AUTS2: variants seen among roughly 807,000 people sequenced by gnomAD.
AUTS2 encodes the protein activator of transcription and developmental regulator AUTS2.
In AUTS2, 17 loss-of-function variants were observed where a neutral mutation model predicts 112.4. That is an observed-to-expected ratio of 0.15 (90% CI 0.10 to 0.23). The LOEUF (loss-of-function observed/expected upper bound fraction) is 0.23. AUTS2 is among the 10% of genes least tolerant of loss of function. AUTS2 has a pLI of 1.00. For missense variants in AUTS2, 1,510 were observed against 1,701.6 expected (o/e 0.89, Z 1.98); for synonymous variants, 751 against 702.7 (o/e 1.07, Z -1.09).
At chr7:70,302,060 A>G (rs1789243637) in intron 4 of AUTS2, among the ~76,000 whole-genome samples, 1 of 152,114 alleles carries the variant, frequency 6.6e-6, no homozygotes, top group African/African-American at 2.4e-5. Flanking sequence ...ATTTATTTAT[A>G]GAGCTTCATT....
chr7:69,758,203 C>T (rs1038748601), intron 1 of AUTS2, among the ~76,000 whole-genome samples: 3 of 152,330 alleles, frequency 2.0e-5, no homozygotes, highest in South Asian at 2.1e-4. Context: ...ATTGCAAACA[C>T]AGCCTGGGTG....
Position 69,877,340 on chromosome 7 carries a change from G to A in AUTS2, c.310-21946G>A, listed in dbSNP as rs140842012. Among the ~76,000 whole-genome samples the A allele has an allele frequency of 3.7e-4, 56 of 152,092 alleles. No homozygotes were observed. The East Asian group carries it at 0.011, about 29-fold the overall frequency. On this transcript the variant is annotated intron_variant, in intron 1 of 18. Coordinates refer to ENST00000342771, the MANE Select transcript of AUTS2 (RefSeq NM_015570.4). ...ACTTTTTTGATTGTGAACCCCAGTT[G>A]GACAAATCACTTAGAGTAAGCACCT... is the stretch of plus-strand genomic sequence containing the variant.
chr7:70,140,006 T>C (rs1041754360), intron 4 of AUTS2, among the ~76,000 whole-genome samples: 2 of 152,132 alleles, frequency 1.3e-5, no homozygotes, highest in Non-Finnish European at 2.9e-5. Context: ...CAAAAAAAAT[T>C]TATAAATGAG....
chr7:70,399,972 G>A (rs1376352609), intron 4 of AUTS2, among the ~76,000 whole-genome samples: 1 of 152,192 alleles, frequency 6.6e-6, no homozygotes. Flanking sequence ...TAGAGCTTCT[G>A]TAATTCTCTT....
chr7:70,689,676 T>C (rs1020880435), intron 5 of AUTS2, among the ~76,000 whole-genome samples: 4 of 148,604 alleles, frequency 2.7e-5, no homozygotes, highest in Admixed American at 1.4e-4. Context: ...CTCGGGAGGC[T>C]GAGGCAGGAG....
At position 70,725,337 on chromosome 7, in the gene AUTS2, G is replaced by A. The variant is rs142897041; in HGVS notation, c.742+26717G>A. On this transcript the variant is annotated intron_variant, in intron 6 of 18. Transcript: ENST00000342771. ...TCAACTTGGAGCATTCATTGGCAGC[G>A]ACTATCAACAGCCCATTTTAAAAGG... Among the ~76,000 whole-genome samples the A allele has an allele frequency of 4.5e-3, 691 of 152,236 alleles. 3 individuals carry two copies. Among genetic ancestry groups the A allele is most frequent in the African/African-American group, 0.015 (634 of 41,532 alleles).
chr7:69,963,533 T>C (rs1182340185), intron 2 of AUTS2, among the ~76,000 whole-genome samples: 1 of 152,158 alleles, frequency 6.6e-6, no homozygotes, highest in African/African-American at 2.4e-5. Flanking sequence ...GTGATGTTTC[T>C]ATAAGTGTCT....
chr7:70,752,290 A>G (rs182805127), intron 6 of AUTS2, among the ~76,000 whole-genome samples: 1 of 152,296 alleles, frequency 6.6e-6, no homozygotes, highest in East Asian at 1.9e-4. Flanking sequence ...CCGTGTCTTT[A>G]AAAGCTTTCT....
intron 2 of AUTS2, among the ~76,000 whole-genome samples, chr7:70,049,471 A>G (rs1471705598): frequency 6.6e-6 from 1 of 151,832 alleles, no homozygotes; most frequent in Non-Finnish European, 1.5e-5. Context: ...CTGAGATTAC[A>G]GGTACCTGCC....
At chr7:69,764,607 G>A (rs1437026285) in intron 1 of AUTS2, among the ~76,000 whole-genome samples, 1 of 152,070 alleles carries the variant, frequency 6.6e-6, no homozygotes, top group Non-Finnish European at 1.5e-5. Flanking sequence ...ATACAAAGAA[G>A]TAGTACCTTG....
chr7:70,222,502 T>A (rs1811538650), intron 4 of AUTS2, among the ~76,000 whole-genome samples: 1 of 152,180 alleles, frequency 6.6e-6, no homozygotes. Context: ...TGAAACAATA[T>A]CTTTTTAAAA....
At chr7:70,238,811 T>G (rs1478682453) in intron 4 of AUTS2, among the ~76,000 whole-genome samples, 1 of 152,154 alleles carries the variant, frequency 6.6e-6, no homozygotes, top group East Asian at 1.9e-4. Context: ...AAGATATGCG[T>G]GCACTCATCA....
chr7:69,712,180 C>T (rs1389415055), intron 1 of AUTS2, among the ~76,000 whole-genome samples: 1 of 152,150 alleles, frequency 6.6e-6, no homozygotes, highest in Non-Finnish European at 1.5e-5. Flanking sequence ...TATGAGCAGA[C>T]ATGGTGCCTT....
chr7:70,343,225 A>G (rs1371521798), intron 4 of AUTS2, among the ~76,000 whole-genome samples: 2 of 152,240 alleles, frequency 1.3e-5, no homozygotes, highest in African/African-American at 4.8e-5. Flanking sequence ...TCTCCAGTTC[A>G]CACTGAAAGG....
intron 5 of AUTS2, among the ~76,000 whole-genome samples, chr7:70,649,425 C>A (rs1392546718): frequency 6.6e-6 from 1 of 152,074 alleles, no homozygotes; most frequent in African/African-American, 2.4e-5. Flanking sequence ...GATGAATAAA[C>A]AATGGTTAAT....
chr7:69,958,291 T>A (rs1162709003), intron 2 of AUTS2, among the ~76,000 whole-genome samples: 1 of 152,164 alleles, frequency 6.6e-6, no homozygotes, highest in Non-Finnish European at 1.5e-5. Flanking sequence ...TGAATAATTA[T>A]GACAGAGACT....
At chr7:70,206,555 T>C (rs889816234) in intron 4 of AUTS2, among the ~76,000 whole-genome samples, 1 of 152,218 alleles carries the variant, frequency 6.6e-6, no homozygotes, top group African/African-American at 2.4e-5. Flanking sequence ...CTTTCACTAA[T>C]GTTTATTAGC....
At chr7:69,952,220 G>T (rs1354987144) in intron 2 of AUTS2, among the ~76,000 whole-genome samples, 2 of 152,048 alleles carry the variant, frequency 1.3e-5, no homozygotes, top group Admixed American at 1.3e-4. Flanking sequence ...TCCTTTAAAT[G>T]TTTTTGTGTA....
chr7:70,401,591 G>A (rs1054989257), intron 4 of AUTS2, among the ~76,000 whole-genome samples: 10 of 152,216 alleles, frequency 6.6e-5, no homozygotes, highest in Admixed American at 2.0e-4. Context: ...AGATGAGACC[G>A]TGGAGAGTAG....
Sources: allele counts gnomAD v4.1 joint callset (sites outside exome capture counted in the v4.1 genomes callset), GRCh38; gene constraint gnomAD v4.1.1; transcripts MANE v1.5; gene names NCBI Gene and HGNC (gene_info 2026-07-23, HGNC 2026-07-21).